The following DAG1 variants were observed in gnomAD, a reference collection of about 807,000 sequenced individuals.
DAG1 encodes the protein dystroglycan 1 (dystrophin-associated glycoprotein 1).
Under a neutral mutation model 46.1 loss-of-function variants are expected in DAG1, and 8 were observed. That is an observed-to-expected ratio of 0.17 (90% CI 0.10 to 0.31). DAG1 has a LOEUF of 0.31. Ranked by LOEUF, DAG1 falls within the 10% of genes least tolerant of loss-of-function variation. The pLI, the probability that DAG1 is intolerant of heterozygous loss-of-function variation, is 1.00. For missense variants in DAG1, 1,003 were observed against 1,189.9 expected (o/e 0.84, Z 2.31); for synonymous variants, 495 against 481.8 (o/e 1.03, Z -0.36).
At chr3:49,525,519 C>T (rs1559573581) in intron 2 of DAG1, among the ~76,000 whole-genome samples, 1 of 151,186 alleles carries the variant, frequency 6.6e-6, no homozygotes, top group Non-Finnish European at 1.5e-5. Flanking sequence ...CTTCACACGG[C>T]TGGCCGGAAC....
At chr3:49,468,963 C>G (rs2049442311), upstream of DAG1, 1 of 152,168 alleles carries the variant, frequency 6.6e-6, no homozygotes, top group African/African-American at 2.4e-5. Flanking sequence ...GCTGGGACTA[C>G]AGGCGGGAGC....
At chr3:49,526,351 G>C (rs951478264) in intron 2 of DAG1, among the ~76,000 whole-genome samples, 1 of 152,162 alleles carries the variant, frequency 6.6e-6, no homozygotes, top group African/African-American at 2.4e-5. Flanking sequence ...CTGTTTTTCT[G>C]ACATGACTTG....
At chr3:49,517,385 T>C (rs1026788762) in intron 2 of DAG1, among the ~76,000 whole-genome samples, 1 of 152,200 alleles carries the variant, frequency 6.6e-6, no homozygotes, top group Non-Finnish European at 1.5e-5. Flanking sequence ...TTTGGAATTA[T>C]AATTTAATGC....
Position 49,532,885 on chromosome 3 carries a change from A to C in DAG1, c.2374A>C (p.Ile792Leu). ...TACCCTTGAGGACCAGGCCACCTTC[A>C]TCAAGAAGGGGGTGCCTATCATCTT... The part of the protein sequence containing the change: ...KLTLEDQATF[I>L]KKGVPIIFAD... Residue 792 changes from isoleucine (I) to leucine (L), a missense_variant, in exon 3 of 3, where the codon ATC becomes CTC. Ile to Leu is a conservative substitution (Grantham distance 5). Transcript: ENST00000308775. This position sits in a 1 kb window ranked among gnomAD's most constrained non-coding sequence, Gnocchi z 5.4. The C allele has an allele frequency of 6.2e-7, 1 of 1,614,110 alleles. No homozygotes were observed. Among genetic ancestry groups the C allele is most frequent in the South Asian group, 1.1e-5 (1 of 91,082 alleles).
At chr3:49,510,011 G>T (rs987598438) in intron 1 of DAG1, among the ~76,000 whole-genome samples, 1 of 152,172 alleles carries the variant, frequency 6.6e-6, no homozygotes, top group South Asian at 2.1e-4. Context: ...TCATAGGCGT[G>T]AGCCACGGTG....
At chr3:49,515,209 A>G (rs2050865150) in intron 2 of DAG1, among the ~76,000 whole-genome samples, 1 of 151,226 alleles carries the variant, frequency 6.6e-6, no homozygotes, top group Non-Finnish European at 1.5e-5. Flanking sequence ...ACCTCAGGTG[A>G]TCTGCCTGCC....
rs529881810 is a variant in DAG1, at chr3:49,492,444, T to G, written c.-116-17975T>G. On this transcript the variant is annotated intron_variant, in intron 1 of 2. Transcript: ENST00000308775. ...GGAGAATTGCTTGAGCCTAGGAATT[T>G]GAGACCAGCCTGGGCAACGTGGTAA... Among the ~76,000 whole-genome samples the G allele has an allele frequency of 5.3e-5, 8 of 152,230 alleles. No homozygotes were observed. The East Asian group carries it at 1.5e-3, about 29-fold the overall frequency.
intron 2 of DAG1, among the ~76,000 whole-genome samples, chr3:49,524,575 A>G (rs1380341790): frequency 2.6e-5 from 4 of 152,160 alleles, no homozygotes; most frequent in African/African-American, 4.8e-5. Flanking sequence ...CAGCTATTCA[A>G]GAGGCTGAGG....
Position 49,533,396 on chromosome 3 carries a change from GA to G in DAG1, c.*198del. On this transcript the variant is annotated 3_prime_UTR_variant, in exon 3 of 3. Transcript: ENST00000308775. ...CCAAAGCAGCTGGAGAGACTTTGGG[GA>G]CTTTTTTATTTTTATTTTTTGCCTA... The G allele has an allele frequency of 1.2e-6, 1 of 828,054 alleles. No individual in the cohort carries two copies. The highest frequency in any genetic ancestry group is 2.2e-4 in the Middle Eastern group (1 of 4,590). The allele number at this position is 828,054 out of a possible 1,614,324, so 51.3% of individuals were successfully genotyped here.
At chr3:49,510,956 C>T (rs1282213232) in intron 2 of DAG1, 137 bp downstream of exon 2, 1 of 1,524,324 alleles carries the variant, frequency 6.6e-7, no homozygotes, top group Non-Finnish European at 8.8e-7. Context: ...GAGGGACAGC[C>T]ACTGATGTTC....
At chr3:49,521,117 T>C (rs1274291350) in intron 2 of DAG1, among the ~76,000 whole-genome samples, 1 of 152,146 alleles carries the variant, frequency 6.6e-6, no homozygotes, top group Non-Finnish European at 1.5e-5. Context: ...TGAGAGACTT[T>C]GCTTGAGTTT....
At chr3:49,507,580 A>T (rs183193042) in intron 1 of DAG1, among the ~76,000 whole-genome samples, 1,523 of 150,926 alleles carry the variant, frequency 0.01, 29 homozygotes, top group African/African-American at 0.033. Flanking sequence ...AAATAAATTT[A>T]AAAAAAAATT....
At chr3:49,525,172 T>C (rs139786145) in intron 2 of DAG1, among the ~76,000 whole-genome samples, 29 of 152,250 alleles carry the variant, frequency 1.9e-4, no homozygotes, top group African/African-American at 5.3e-4. Flanking sequence ...GTACTTTTTC[T>C]TCCTGAGTAG....
chr3:49,505,898 G>A (rs889126320), intron 1 of DAG1, among the ~76,000 whole-genome samples: 13 of 149,984 alleles, frequency 8.7e-5, no homozygotes, highest in East Asian at 2.0e-4. Context: ...TCGAACTCCC[G>A]ACCTCAGGTG....
intron 1 of DAG1, among the ~76,000 whole-genome samples, chr3:49,509,717 A>G (rs1456457956): frequency 1.3e-5 from 2 of 151,248 alleles, no homozygotes; most frequent in African/African-American, 4.9e-5. Context: ...TCAATCATAT[A>G]TTTTACTTAA....
chr3:49,533,031 T>G lies in DAG1; in HGVS notation c.2520T>G (p.Thr840=), dbSNP rs149564053. The change falls in exon 3 of 3, where the codon ACT becomes ACG. Residue 840 remains threonine, a synonymous_variant. Transcript: ENST00000308775. ...EYPNQSVPET[T]PLNQDTMGEY... is the part of the protein sequence containing the mutation. The stretch of plus-strand genomic sequence containing the variant: ...CCAACCAGAGTGTGCCCGAGACCAC[T>G]CCTCTGAACCAGGACACCATGGGAG... 1.9e-6 allele frequency: 3 copies of G among 1,613,588 alleles called. No homozygotes were observed. Among genetic ancestry groups the G allele is most frequent in the Non-Finnish European group, 2.5e-6 (3 of 1,179,930 alleles).
intron 1 of DAG1, among the ~76,000 whole-genome samples, chr3:49,508,888 C>G (rs1015426248): frequency 3.3e-5 from 5 of 152,158 alleles, no homozygotes; most frequent in African/African-American, 1.2e-4. Flanking sequence ...GAATGTATCT[C>G]TATATATACA....
intron 1 of DAG1, among the ~76,000 whole-genome samples, chr3:49,491,039 A>G (rs1409785887): frequency 6.6e-6 from 1 of 151,460 alleles, no homozygotes; most frequent in Non-Finnish European, 1.5e-5. Flanking sequence ...GGCGCGCACT[A>G]CTACGCCTGG....
At chr3:49,493,184 T>G (rs572418548) in intron 1 of DAG1, among the ~76,000 whole-genome samples, 1 of 151,586 alleles carries the variant, frequency 6.6e-6, no homozygotes, top group African/African-American at 2.4e-5. Flanking sequence ...GCTCAGATTA[T>G]AGGCATGCGT....
Sources: allele counts gnomAD v4.1 joint callset (sites outside exome capture counted in the v4.1 genomes callset), GRCh38; gene constraint gnomAD v4.1.1; non-coding constraint Gnocchi (gnomAD v3.1); transcripts MANE v1.5; gene names NCBI Gene and HGNC (gene_info 2026-07-23, HGNC 2026-07-21).